The following NRXN3 variants were observed in gnomAD, a reference collection of about 807,000 sequenced individuals.
NRXN3 encodes the protein neurexin III.
A neutral mutation model predicts 137.6 loss-of-function variants in NRXN3; 32 were observed. The ratio of observed to expected loss-of-function variants is 0.23; its 90% CI spans 0.18 to 0.31. The LOEUF is 0.31. Among genes scored for constraint, NRXN3 ranks in the 10% least tolerant of loss-of-function variants. The pLI, the probability that NRXN3 is intolerant of heterozygous loss-of-function variation, is 1.00. For missense variants in NRXN3, 1,574 were observed against 2,062.5 expected, an observed-to-expected ratio of 0.76 and a Z score of 4.59; for synonymous variants, 798 against 784.5, an observed-to-expected ratio of 1.02 and a Z score of -0.29.
intron 16 of NRXN3, among the ~76,000 whole-genome samples, chr14:79,524,611 G>A (rs2097101272): frequency 6.6e-6 from 1 of 152,112 alleles, no homozygotes; most frequent in African/African-American, 2.4e-5. Flanking sequence ...GATTTACTTT[G>A]ACAATATTCT....
intron 15 of NRXN3, among the ~76,000 whole-genome samples, chr14:79,176,347 T>A (rs2062344194): frequency 6.6e-6 from 1 of 152,162 alleles, no homozygotes; most frequent in Non-Finnish European, 1.5e-5. Context: ...GCCTGCATGA[T>A]GTTTTAAATA....
At chr14:78,506,304 A>C (rs112948421) in intron 4 of NRXN3, among the ~76,000 whole-genome samples, 1 of 152,158 alleles carries the variant, frequency 6.6e-6, no homozygotes, top group African/African-American at 2.4e-5. Context: ...CCTTCTTTTA[A>C]AAAACTAAAT....
chr14:78,978,737 T>A (rs1245485329), intron 14 of NRXN3, among the ~76,000 whole-genome samples: 1 of 147,898 alleles, frequency 6.8e-6, no homozygotes, highest in Admixed American at 6.8e-5. Context: ...ATATATATTA[T>A]TTAGATATAT....
intron 4 of NRXN3, among the ~76,000 whole-genome samples, chr14:78,572,188 C>T (rs1440481136): frequency 1.3e-5 from 2 of 152,206 alleles, no homozygotes; most frequent in Non-Finnish European, 2.9e-5. Context: ...TGACATGATA[C>T]TGAGCTGCCT....
At chr14:78,202,752 C>T (rs2061795535) in intron 1 of NRXN3, among the ~76,000 whole-genome samples, 1 of 152,170 alleles carries the variant, frequency 6.6e-6, no homozygotes, top group South Asian at 2.1e-4. Context: ...TGCCCTTTTC[C>T]AGGGACAAGG....
chr14:78,436,693 A>G (rs1313447355), intron 4 of NRXN3, among the ~76,000 whole-genome samples: 1 of 152,260 alleles, frequency 6.6e-6, no homozygotes, highest in Non-Finnish European at 1.5e-5. Flanking sequence ...AGACAGGCAC[A>G]TGCGGCTAGT....
In NRXN3 at chr14:78,709,250, C is replaced by A; in HGVS notation, c.1255C>A (p.Leu419Met). ...VYKNNDIRLE[L>M]SRLARIADTK... ...TAAGAATAATGACATCCGTCTGGAG[C>A]TGTCTCGCCTGGCCCGGATTGCGGA... The change falls in exon 7 of 21, where the codon CTG becomes ATG. Residue 419 changes from leucine (L) to methionine (M), a missense_variant. This residue lies in a region of NRXN3 where 718 missense variants were observed against 887.6 expected (regional missense o/e 0.81). Transcript: ENST00000335750. 6.2e-7 allele frequency: 1 copy of A among 1,613,898 alleles called. No homozygotes were observed. The highest frequency in any genetic ancestry group is 2.2e-5 in the East Asian group (1 of 44,874).
At chr14:79,709,476 GA>G (rs943712070) in intron 19 of NRXN3, among the ~76,000 whole-genome samples, 1 of 152,004 alleles carries the variant, frequency 6.6e-6, no homozygotes, top group African/African-American at 2.4e-5. Flanking sequence ...AAGGCAGATG[GA>G]AAAAAACATA....
chr14:79,367,662 T>A lies in NRXN3; in HGVS notation c.3263-99559T>A, dbSNP rs149557549. On this transcript the variant is annotated intron_variant, in intron 15 of 20. Transcript: ENST00000335750. ...TATTTGCATTATTGTTATTATTTTT[T>A]AAAAAATAAATAGACTAGCACGTAG... Among the ~76,000 whole-genome samples the A allele has an allele frequency of 8.3e-3, 1,266 of 152,286 alleles. 15 individuals carry two copies. The highest frequency in any genetic ancestry group is 0.029 in the African/African-American group (1,185 of 41,556).
At chr14:78,177,620 AGAC>A (rs1158678812) in intron 1 of NRXN3, among the ~76,000 whole-genome samples, 3 of 152,140 alleles carry the variant, frequency 2.0e-5, no homozygotes, top group Non-Finnish European at 4.4e-5. Flanking sequence ...TCCTTCTTTA[AGAC>A]GACATCACAC....
chr14:78,578,683 A>G (rs377732214), intron 4 of NRXN3, among the ~76,000 whole-genome samples: 1 of 152,198 alleles, frequency 6.6e-6, no homozygotes, highest in African/African-American at 2.4e-5. Context: ...AGATGTTAGC[A>G]TCTTGAGTAT....
At chr14:78,221,964 A>G (rs776533703) in intron 1 of NRXN3, among the ~76,000 whole-genome samples, 3 of 152,188 alleles carry the variant, frequency 2.0e-5, no homozygotes, top group Non-Finnish European at 4.4e-5. Flanking sequence ...ATATTTCTGA[A>G]CAGTAACATA....
chr14:79,846,222 A>C (rs1402797410), intron 20 of NRXN3, among the ~76,000 whole-genome samples: 1 of 152,230 alleles, frequency 6.6e-6, no homozygotes, highest in African/African-American at 2.4e-5. Flanking sequence ...CAATTTATTA[A>C]AAATGTATCT....
chr14:78,979,059 T>G (rs1347505263), intron 14 of NRXN3, among the ~76,000 whole-genome samples: 2 of 152,074 alleles, frequency 1.3e-5, no homozygotes, highest in Non-Finnish European at 2.9e-5. Flanking sequence ...TTCCTCTGCC[T>G]TTTTCTTCTA....
At chr14:79,275,063 T>C (rs1484998670) in intron 15 of NRXN3, among the ~76,000 whole-genome samples, 3 of 152,174 alleles carry the variant, frequency 2.0e-5, no homozygotes, top group Non-Finnish European at 4.4e-5. Context: ...CTTTTTTAAA[T>C]AAATAAGCAG....
intron 8 of NRXN3, among the ~76,000 whole-genome samples, chr14:78,719,593 G>A (rs1044850460): frequency 6.6e-6 from 1 of 152,150 alleles, no homozygotes; most frequent in African/African-American, 2.4e-5. Flanking sequence ...TGTAATCCCA[G>A]CACTTTGGGA....
At position 79,365,725 on chromosome 14, in the gene NRXN3, CA is replaced by C. The variant is rs569855024; in HGVS notation, c.3263-101477del. Among the ~76,000 whole-genome samples, 41 of 42,408 alleles carry C rather than the reference CA, an allele frequency of 9.7e-4. No individual in the cohort carries two copies. In the East Asian group the frequency reaches 0.011, roughly 11 times the overall value. The allele number at this position is 42,408 out of a possible 152,430, so 27.8% of individuals were successfully genotyped here. A position where few individuals can be genotyped will look rare whatever the true frequency, so the allele number is the denominator to read the frequency against. On this transcript the variant is annotated intron_variant, in intron 15 of 20. Transcript: ENST00000335750. The stretch of plus-strand genomic sequence containing the variant: ...TGGGCGACAGAGCGAGACTCTGTCT[CA>C]AAAAAAAAAAAAAAAAAAGAAAAAA...
chr14:79,243,935 G>T (rs2153353940), intron 15 of NRXN3, among the ~76,000 whole-genome samples: 1 of 152,210 alleles, frequency 6.6e-6, no homozygotes, highest in South Asian at 2.1e-4. Flanking sequence ...CCAGATCCCA[G>T]CTTTTAGCAG....
chr14:79,349,775 C>G (rs758393104), intron 15 of NRXN3, among the ~76,000 whole-genome samples: 2 of 151,984 alleles, frequency 1.3e-5, no homozygotes, highest in Non-Finnish European at 2.9e-5. Flanking sequence ...TCTGATAGGA[C>G]TAGTGTCCTT....
Sources: allele counts gnomAD v4.1 joint callset (sites outside exome capture counted in the v4.1 genomes callset), GRCh38; gene constraint gnomAD v4.1.1; regional missense constraint gnomAD v4.1.1; transcripts MANE v1.5; gene names NCBI Gene and HGNC (gene_info 2026-07-23, HGNC 2026-07-21).